Variants in USP9X observed in about 807,000 individuals in gnomAD.
USP9X encodes the protein ubiquitin specific peptidase 9 X-linked, also known as ubiquitin carboxyl-terminal hydrolase 9X.
Under a neutral mutation model 190.3 loss-of-function variants are expected in USP9X, and 7 were observed. That is an observed-to-expected ratio of 0.04 (90% CI 0.02 to 0.07). The LOEUF (loss-of-function observed/expected upper bound fraction) is 0.07, where lower values mean the gene tolerates loss of function less well. Among genes scored for constraint, USP9X ranks in the 10% least tolerant of loss-of-function variants. USP9X has a pLI of 1.00. For missense variants in USP9X, 1,010 were observed against 1,916.9 expected, an observed-to-expected ratio of 0.53 and a Z score of 8.83; for synonymous variants, 645 against 659.5, an observed-to-expected ratio of 0.98 and a Z score of 0.34.
At chrX:41,188,814 C>G (rs1337578012) in intron 25 of USP9X, among the ~76,000 whole-genome samples, 3 of 112,217 alleles carry the variant, frequency 2.7e-5, no homozygotes, top group Non-Finnish European at 3.8e-5. Flanking sequence ...ACTGTAGTTA[C>G]TACTTTTTGA....
intron 26 of USP9X, chrX:41,196,009 G>A (rs148382801): frequency 0.012 from 6,001 of 484,170 alleles, 41 homozygotes; most frequent in Non-Finnish European, 0.015. Context: ...TTAGAAGGTG[G>A]TATCCCTCAA....
chrX:41,140,543 G>T (rs2062413872), intron 6 of USP9X, 113 bp from the exon 7 acceptor site: 1 of 517,529 alleles, frequency 1.9e-6, no homozygotes, highest in Non-Finnish European at 3.1e-6. Flanking sequence ...TCCTTTGAAA[G>T]ATGATTTATT....
intron 1 of USP9X, among the ~76,000 whole-genome samples, chrX:41,120,150 G>A (rs969728710): frequency 1.8e-5 from 2 of 111,315 alleles, no homozygotes; most frequent in African/African-American, 3.3e-5. Context: ...TTGCATTTTC[G>A]CAATTACTAA....
In USP9X at chrX:41,101,160, G is replaced by A. The variant is rs2062031140; in HGVS notation, c.-159+15051G>A. ...TTATTTTTGCTTTAACATTGTATTT[G>A]AAAATTTCATTTGCAGTAACTCGAT... On this transcript the variant is annotated intron_variant, in intron 1 of 44. Transcript: ENST00000378308. Among the ~76,000 whole-genome samples the A allele has an allele frequency of 2.7e-5, 3 of 110,659 alleles. No homozygotes were observed. The South Asian group carries it at 1.1e-3, about 42-fold the overall frequency.
In USP9X at chrX:41,151,896, G is replaced by A. The variant is rs748865874; in HGVS notation, c.1763+839G>A. 7.1e-5 allele frequency among the ~76,000 whole-genome samples: 8 copies of A among 112,568 alleles called. No individual in the cohort carries two copies. The East Asian group carries it at 8.3e-4, about 12-fold the overall frequency. ...CTCGGGAAGCTGAGGCACTAGAATC[G>A]CTTGAGCCCGGGAGGCAGAGGTTGC... On this transcript the variant is annotated intron_variant, in intron 13 of 44. Coordinates refer to ENST00000378308, the MANE Select transcript of USP9X (RefSeq NM_001039591.3).
chrX:41,186,490 C>G, intron 23 of USP9X, 27 bp from the exon 24 acceptor site: 1 of 1,207,526 alleles, frequency 8.3e-7, no homozygotes, highest in Non-Finnish European at 1.1e-6. Flanking sequence ...ATTATTTACT[C>G]CAAATAAAAT....
chrX:41,166,147 T>A lies in USP9X; in HGVS notation c.2261T>A (p.Leu754Gln), dbSNP rs1241510885. ...GCTGTGAATTGTCGAGAAGGAAAAC[T>A]AGTAGCAAAAAGGAGAGCCTATATG... Reference protein sequence around the residue: ...FKAVNCREGKLVAKRRAYMMD... With the variant: ...FKAVNCREGKQVAKRRAYMMD... The change falls in exon 16 of 45, where the codon CTA becomes CAA. Residue 754 changes from leucine to glutamine, a missense_variant. By Grantham distance (113) the Leu-to-Gln change is moderately radical. Transcript: ENST00000378308. 8.3e-7 allele frequency: 1 copy of A among 1,210,044 alleles called. No homozygotes were observed. Among genetic ancestry groups the A allele is most frequent in the Admixed American group, 2.2e-5 (1 of 45,625 alleles).
intron 34 of USP9X, among the ~76,000 whole-genome samples, chrX:41,214,911 AATAAG>A (rs894538714): frequency 1.8e-5 from 2 of 112,297 alleles, no homozygotes; most frequent in African/African-American, 6.5e-5. Flanking sequence ...GGGCTAGGTA[AATAAG>A]ATAAAAATAG....
chrX:41,090,918 C>T (rs918507198), intron 1 of USP9X, among the ~76,000 whole-genome samples: 1 of 110,918 alleles, frequency 9.0e-6, no homozygotes. Context: ...AGCACCTTCT[C>T]GGTGTTACGG....
At chrX:41,230,846 A>G (rs934432030) in intron 44 of USP9X, among the ~76,000 whole-genome samples, 68 of 111,522 alleles carry the variant, frequency 6.1e-4, no homozygotes, top group African/African-American at 2.0e-3. Flanking sequence ...ATAAAACTGT[A>G]TGAGAATTTA....
At position 41,141,233 on chromosome X, in the gene USP9X, C is replaced by A; in HGVS notation, c.1022+16C>A. 1 of 1,193,442 alleles carries A rather than the reference C, an allele frequency of 8.4e-7. No homozygotes were observed. The highest frequency in any genetic ancestry group is 1.1e-6 in the Non-Finnish European group (1 of 886,718). ...TGATACTTAGGTAAGATACTTACCTCTTGAAATAATTGTTAATGCCGATTT... is the reference window on the plus strand; with the variant it reads ...TGATACTTAGGTAAGATACTTACCTATTGAAATAATTGTTAATGCCGATTT... On this transcript the variant is annotated intron_variant, in intron 8 of 44. Transcript: ENST00000378308.
intron 32 of USP9X, among the ~76,000 whole-genome samples, chrX:41,208,695 G>C (rs931795425): frequency 1.8e-5 from 2 of 109,424 alleles, no homozygotes; most frequent in Non-Finnish European, 3.8e-5. Context: ...TTTAAGTTTT[G>C]TTTGTTTGTT....
intron 1 of USP9X, among the ~76,000 whole-genome samples, chrX:41,097,690 C>A (rs2062001978): frequency 8.9e-6 from 1 of 112,255 alleles, no homozygotes; most frequent in Non-Finnish European, 1.9e-5. Context: ...AATCTCCTAT[C>A]TGGCTTAATA....
In USP9X at chrX:41,224,614, C is replaced by T. The variant is rs41303199; in HGVS notation, c.6752-128C>T. On this transcript the variant is annotated intron_variant, in intron 39 of 44. Coordinates refer to ENST00000378308, the MANE Select transcript of USP9X (RefSeq NM_001039591.3). ...TCGCCCCATTGCACTCCAGCCTGGG[C>T]GACAGAGCGAGACTCCATCTTAAAA... The T allele has an allele frequency of 0.16, 89,969 of 566,609 alleles. 6,155 individuals are homozygous for T. The highest frequency in any genetic ancestry group is 0.19 in the Non-Finnish European group (71,155 of 372,676). 46.7% of individuals were successfully genotyped at this position (566,609 alleles called of 1,213,427 possible). A position where few individuals can be genotyped will look rare whatever the true frequency, so the allele number is the denominator to read the frequency against.
chrX:41,131,915 C>T (rs868600034), intron 4 of USP9X, among the ~76,000 whole-genome samples: 33 of 111,297 alleles, frequency 3.0e-4, no homozygotes, highest in African/African-American at 9.1e-4. Context: ...CTGCCCCCTG[C>T]CCTCCTTGTA....
intron 13 of USP9X, 106 bp from the exon 14 acceptor site, chrX:41,152,842 T>C: frequency 9.6e-6 from 8 of 837,095 alleles, no homozygotes; most frequent in Non-Finnish European, 1.3e-5. Flanking sequence ...AAAAGTATAA[T>C]TTTTAAGTTT....
At chrX:41,098,840 C>CTGACGTTTG (rs1359810792) in intron 1 of USP9X, among the ~76,000 whole-genome samples, 1 of 106,759 alleles carries the variant, frequency 9.4e-6, no homozygotes, top group African/African-American at 3.5e-5. Flanking sequence ...CCACCGTGCC[C>CTGACGTTTG]AGCCAACTTC....
chrX:41,154,393 A>G (rs1351992306), intron 14 of USP9X, among the ~76,000 whole-genome samples: 1 of 111,945 alleles, frequency 8.9e-6, no homozygotes, highest in Non-Finnish European at 1.9e-5. Flanking sequence ...TCCTGGTGGT[A>G]CACAGCCCTC....
At chrX:41,170,667 G>A in intron 20 of USP9X, 48 bp downstream of exon 20, 3 of 1,132,959 alleles carry the variant, frequency 2.6e-6, no homozygotes, top group Non-Finnish European at 3.5e-6. Context: ...ATCATGCTAG[G>A]GTTTTTGAGA....
Sources: gnomAD v4.1 joint callset for allele counts (sites outside exome capture counted in the v4.1 genomes callset) on GRCh38, gnomAD v4.1.1 for gene constraint, MANE v1.5 for transcripts, NCBI Gene and HGNC (gene_info 2026-07-23, HGNC 2026-07-21) for gene names.